TTK: variants seen among roughly 807,000 people sequenced by gnomAD.
TTK encodes TTK protein kinase, also known as dual specificity protein kinase TTK.
Under a neutral mutation model 117.3 loss-of-function variants are expected in TTK, and 59 were observed. The ratio of observed to expected loss-of-function variants is 0.50; its 90% CI spans 0.41 to 0.62. TTK has a LOEUF of 0.62. Ranked by LOEUF, TTK falls within the 20% of genes least tolerant of loss-of-function variation. TTK has a pLI of 0.00. For missense variants in TTK, 921 were observed against 989.4 expected, an observed-to-expected ratio of 0.93 and a Z score of 0.93; for synonymous variants, 302 against 325.0, an observed-to-expected ratio of 0.93 and a Z score of 0.76.
chr6:80,037,705 T>A (rs1169294724), intron 17 of TTK: 1 of 175,620 alleles, frequency 5.7e-6, no homozygotes, highest in Non-Finnish European at 1.2e-5. Flanking sequence ...TTGCTGATTA[T>A]GAACCCAACT....
At position 80,035,407 on chromosome 6, in the gene TTK, C is replaced by A; in HGVS notation, c.1914C>A (p.Ile638=). ...ATATGTTAGAGGCAGTTCACACAAT[C>A]CATCAACATGGTATTTAACAGTTTT... ...WKNMLEAVHT[I]HQHGIVHSDL... is the part of the protein sequence containing the mutation. Residue 638 remains isoleucine (I), a synonymous_variant, in exon 16 of 22, where the codon ATC becomes ATA. Coordinates refer to ENST00000369798, the MANE Select transcript of TTK (RefSeq NM_003318.5). The A allele has an allele frequency of 6.2e-7, 1 of 1,602,734 alleles. No homozygotes were observed.
chr6:80,032,174 A>G (rs1353343015), intron 14 of TTK, among the ~76,000 whole-genome samples: 1 of 152,176 alleles, frequency 6.6e-6, no homozygotes, highest in Non-Finnish European at 1.5e-5. Flanking sequence ...ACTGTAATCA[A>G]GAACACTAAT....
intron 12 of TTK, 28 bp from the exon 13 acceptor site, chr6:80,027,857 T>C: frequency 7.0e-7 from 1 of 1,436,186 alleles, no homozygotes; most frequent in East Asian, 2.5e-5. Context: ...TGTAATGTTT[T>C]AAATAAAAAT....
intron 14 of TTK, 46 bp from the exon 15 acceptor site, chr6:80,034,939 G>C: frequency 1.5e-6 from 2 of 1,344,384 alleles, no homozygotes; most frequent in Non-Finnish European, 9.8e-7. Context: ...TTGTGTGATA[G>C]TGTATAAATA....
At chr6:80,019,903 C>T (rs931030934) in intron 10 of TTK, among the ~76,000 whole-genome samples, 4 of 152,116 alleles carry the variant, frequency 2.6e-5, no homozygotes, top group Non-Finnish European at 4.4e-5. Flanking sequence ...ATTCTAAAGA[C>T]ATTTTATTTT....
intron 14 of TTK, among the ~76,000 whole-genome samples, chr6:80,033,564 G>A (rs1004087803): frequency 5.3e-5 from 8 of 152,114 alleles, no homozygotes; most frequent in African/African-American, 1.9e-4. Context: ...GAACAGATAG[G>A]GATTGAATTT....
At chr6:80,017,053 T>C (rs970808428) in intron 10 of TTK, among the ~76,000 whole-genome samples, 74 of 152,362 alleles carry the variant, frequency 4.9e-4, no homozygotes, top group African/African-American at 1.8e-3. Flanking sequence ...TTTTTAGATT[T>C]ATCATTTTAC....
intron 11 of TTK, among the ~76,000 whole-genome samples, chr6:80,025,416 A>C (rs2127677186): frequency 6.6e-6 from 1 of 152,354 alleles, no homozygotes; most frequent in Admixed American, 6.5e-5. Flanking sequence ...GTGTGTTGAA[A>C]TTATAATAGA....
At chr6:80,032,165 CTG>C (rs1177474131) in intron 14 of TTK, among the ~76,000 whole-genome samples, 6 of 152,150 alleles carry the variant, frequency 3.9e-5, no homozygotes, top group Admixed American at 2.0e-4. Flanking sequence ...ACCAGAATAA[CTG>C]TAATCAAGAA....
intron 2 of TTK, 199 bp downstream of exon 2, chr6:80,006,181 T>C: frequency 1.6e-6 from 1 of 626,112 alleles, no homozygotes; most frequent in Non-Finnish European, 2.8e-6. Flanking sequence ...ACATGGTAGG[T>C]AGGCACTTAA....
At chr6:80,037,288 A>C (rs774535343) in intron 17 of TTK, among the ~76,000 whole-genome samples, 6 of 152,122 alleles carry the variant, frequency 3.9e-5, no homozygotes, top group Non-Finnish European at 7.4e-5. Flanking sequence ...TTTGACAGTC[A>C]TGTCTCTTTG....
chr6:80,040,042 A>G (rs1768005124), intron 19 of TTK, among the ~76,000 whole-genome samples, 154 bp from the exon 20 acceptor site: 1 of 151,924 alleles, frequency 6.6e-6, no homozygotes, highest in South Asian at 2.1e-4. Flanking sequence ...GGATTTTGCA[A>G]AAGTGCCTTG....
chr6:80,037,527 T>C lies in TTK; in HGVS notation c.2050-440T>C, dbSNP rs534812991. On this transcript the variant is annotated intron_variant, in intron 17 of 21. Coordinates refer to ENST00000369798, the MANE Select transcript of TTK (RefSeq NM_003318.5). The stretch of plus-strand genomic sequence containing the variant: ...TTGGTGGGCTTATTTAAAAAATATA[T>C]TTTTTTAAAGTTGAGTATGTTACAA... The C allele has an allele frequency of 3.3e-5, 5 of 152,842 alleles. No individual in the cohort carries two copies. The South Asian group carries it at 8.3e-4, about 25-fold the overall frequency. 9.5% of individuals were successfully genotyped at this position (152,842 alleles called of 1,614,324 possible).
intron 14 of TTK, among the ~76,000 whole-genome samples, chr6:80,034,169 C>T (rs975371325): frequency 6.6e-6 from 1 of 152,072 alleles, no homozygotes; most frequent in African/African-American, 2.4e-5. Context: ...GAAACTAATA[C>T]CATTTATGCT....
chr6:80,012,394 T>A (rs774642304), intron 8 of TTK, among the ~76,000 whole-genome samples: 3 of 151,958 alleles, frequency 2.0e-5, no homozygotes, highest in Non-Finnish European at 4.4e-5. Context: ...GATAGATGAT[T>A]ATTCTTTTGC....
At chr6:80,011,840 G>A (rs752421384) in intron 7 of TTK, 39 bp downstream of exon 7, 1 of 1,611,992 alleles carries the variant, frequency 6.2e-7, no homozygotes, top group Non-Finnish European at 8.5e-7. Context: ...GGTGGTGATA[G>A]TCTTTATTTC....
In TTK at chr6:80,035,036, A is replaced by G; in HGVS notation, c.1666A>G (p.Asn556Asp). 8.1e-6 allele frequency: 13 copies of G among 1,598,938 alleles called. No homozygotes were observed. The highest frequency in any genetic ancestry group is 1.1e-5 in the Non-Finnish European group (13 of 1,175,506). Residue 556 changes from asparagine to aspartate, a missense_variant, in exon 15 of 22, where the codon AAC (asparagine) becomes GAC (aspartate). Transcript: ENST00000369798. ...KKQIYAIKYV[N>D]LEEADNQTLD... ...ACAGATATATGCTATAAAATATGTG[A>G]ACTTAGAAGAAGCAGATAACCAAAC...
chr6:80,023,380 T>C (rs1477260445), intron 11 of TTK, among the ~76,000 whole-genome samples: 1 of 152,114 alleles, frequency 6.6e-6, no homozygotes, highest in Non-Finnish European at 1.5e-5. Flanking sequence ...GATCACGAGG[T>C]CAGGAGATCG....
rs200946371 is a variant in TTK at position 80,013,269 on chromosome 6, C to T, written c.897-10C>T. 89 of 1,565,456 alleles carry T rather than the reference C, an allele frequency of 5.7e-5. No homozygotes were observed. In the Middle Eastern group the frequency reaches 1.0e-3, roughly 18 times the overall value. On this transcript the variant is annotated splice_polypyrimidine_tract_variant and intron_variant, in intron 8 of 21. Transcript: ENST00000369798. ...TTAATGTTAAAATTATTTTGTTTCA[C>T]GGGTAAAAGACAAACCTCTAGATCA...
Sources: allele counts gnomAD v4.1 joint callset (sites outside exome capture counted in the v4.1 genomes callset), GRCh38; gene constraint gnomAD v4.1.1; transcripts MANE v1.5; gene names NCBI Gene and HGNC (gene_info 2026-07-23, HGNC 2026-07-21).